The following TAFA2 variants were observed in gnomAD, a reference collection of about 807,000 sequenced individuals.
TAFA2 encodes the protein chemokine-like protein TAFA-2.
In TAFA2, 7 loss-of-function variants were observed where a neutral mutation model predicts 18.8. The ratio of observed to expected loss-of-function variants is 0.37; its 90% CI spans 0.21 to 0.70. TAFA2 has a LOEUF of 0.70. Ranked by LOEUF, TAFA2 falls within the 30% of genes least tolerant of loss-of-function variation. The pLI is 0.53. For synonymous variants in TAFA2, 60 were observed against 54.2 expected, an observed-to-expected ratio of 1.11 and a Z score of -0.47; for missense variants, 122 against 158.1, an observed-to-expected ratio of 0.77 and a Z score of 1.23.
At chr12:61,931,705 G>T (rs773532264) in intron 1 of TAFA2, among the ~76,000 whole-genome samples, 2 of 152,140 alleles carry the variant, frequency 1.3e-5, no homozygotes, top group African/African-American at 2.4e-5. Flanking sequence ...GGTGGTCATT[G>T]CCATTTTGTA....
Position 62,122,048 on chromosome 12 carries a change from C to A in TAFA2, c.-2+69211G>T, listed in dbSNP as rs114742320. On this transcript the variant is annotated intron_variant, in intron 1 of 4. Coordinates refer to ENST00000416284, the MANE Select transcript of TAFA2 (RefSeq NM_178539.5). ...GAACACATGAACACACAAAAGGGAA[C>A]AACACACACTGGGGCCTTTGGAGGG... Among the ~76,000 whole-genome samples, 540 of 152,198 alleles carry A rather than the reference C, an allele frequency of 3.5e-3. 4 individuals are homozygous for A. Among genetic ancestry groups the A allele is most frequent in the African/African-American group, 0.013 (526 of 41,522 alleles).
chr12:61,947,728 C>G (rs2121444227), intron 1 of TAFA2, among the ~76,000 whole-genome samples: 2 of 152,234 alleles, frequency 1.3e-5, no homozygotes, highest in South Asian at 4.1e-4. Context: ...GCTCTCATCT[C>G]CTCGATATGT....
At chr12:62,033,775 G>T (rs1881526144) in intron 1 of TAFA2, among the ~76,000 whole-genome samples, 1 of 151,890 alleles carries the variant, frequency 6.6e-6, no homozygotes, top group African/African-American at 2.4e-5. Flanking sequence ...AGAATCGCTG[G>T]TTTAAATTAT....
intron 1 of TAFA2, among the ~76,000 whole-genome samples, chr12:62,229,464 A>G (rs1165552405): frequency 6.6e-6 from 1 of 152,120 alleles, no homozygotes; most frequent in Non-Finnish European, 1.5e-5. Context: ...TCATCATCTA[A>G]TGAAATGATC....
chr12:62,043,518 G>A (rs138700811), intron 1 of TAFA2, among the ~76,000 whole-genome samples: 10,461 of 152,028 alleles, frequency 0.069, 466 homozygotes, highest in Non-Finnish European at 0.11. Context: ...ATGTTAAATG[G>A]CGAGTTAATG....
intron 1 of TAFA2, among the ~76,000 whole-genome samples, chr12:62,087,299 C>A (rs1868495569): frequency 6.6e-6 from 1 of 152,046 alleles, no homozygotes; most frequent in South Asian, 2.1e-4. Context: ...TGGTAAATTT[C>A]AGATTATGTA....
chr12:62,089,873 G>A (rs1868636048), intron 1 of TAFA2, among the ~76,000 whole-genome samples: 1 of 152,048 alleles, frequency 6.6e-6, no homozygotes, highest in Non-Finnish European at 1.5e-5. Flanking sequence ...CTTGCCACCA[G>A]CATTTGCTTT....
intron 4 of TAFA2, among the ~76,000 whole-genome samples, chr12:61,728,446 C>T (rs916606556): frequency 5.9e-5 from 9 of 151,952 alleles, no homozygotes; most frequent in Non-Finnish European, 1.0e-4. Flanking sequence ...TGATCTTTCT[C>T]TGTTGGACTA....
chr12:62,013,453 C>G (rs1880833047), intron 1 of TAFA2, among the ~76,000 whole-genome samples: 1 of 152,154 alleles, frequency 6.6e-6, no homozygotes, highest in Admixed American at 6.5e-5. Flanking sequence ...TAATGGGTGC[C>G]ATTTGAGACT....
intron 1 of TAFA2, among the ~76,000 whole-genome samples, chr12:62,218,144 C>T (rs747508623): frequency 1.3e-5 from 2 of 151,900 alleles, no homozygotes; most frequent in Non-Finnish European, 2.9e-5. Context: ...TACAGGCACG[C>T]ACCGTCACAC....
chr12:62,052,186 G>A (rs1882072414), intron 1 of TAFA2, among the ~76,000 whole-genome samples: 1 of 51,142 alleles, frequency 2.0e-5, no homozygotes, highest in Non-Finnish European at 5.5e-5. Flanking sequence ...GTGTGCATGT[G>A]TGCATGCGTG....
chr12:62,152,413 T>C (rs2062334685), intron 1 of TAFA2, among the ~76,000 whole-genome samples: 1 of 152,234 alleles, frequency 6.6e-6, no homozygotes, highest in African/African-American at 2.4e-5. Context: ...GAAAATGTGA[T>C]GAATCATTCA....
At chr12:62,104,520 A>T (rs898530544) in intron 1 of TAFA2, among the ~76,000 whole-genome samples, 6 of 152,258 alleles carry the variant, frequency 3.9e-5, no homozygotes, top group African/African-American at 1.4e-4. Context: ...AAAAGTAGCA[A>T]GAAAGAAAAC....
At chr12:61,943,774 C>A (rs1422927360) in intron 1 of TAFA2, among the ~76,000 whole-genome samples, 2 of 139,798 alleles carry the variant, frequency 1.4e-5, no homozygotes, top group Non-Finnish European at 3.1e-5. Context: ...TATATATGCA[C>A]CCAATACAGG....
intron 1 of TAFA2, among the ~76,000 whole-genome samples, chr12:61,869,683 G>C (rs894751207): frequency 6.6e-6 from 1 of 152,132 alleles, no homozygotes; most frequent in African/African-American, 2.4e-5. Flanking sequence ...GAGAAATATT[G>C]AGCTATAACA....
At position 61,947,490 on chromosome 12, in the gene TAFA2, A is replaced by AAAT. The variant is rs1565692158; in HGVS notation, c.-1-80065_-1-80064insATT. 2.9e-3 allele frequency among the ~76,000 whole-genome samples: 446 copies of AAAT among 151,780 alleles called. 3 individuals carry two copies. The highest frequency in any genetic ancestry group is 9.7e-3 in the African/African-American group (399 of 41,220). ...ATAAATAAATAAATAAATAAATAAA[A>AAAT]AAGAATTTTGTCATTCGTTTTATCT... On this transcript the variant is annotated intron_variant, in intron 1 of 4. Coordinates refer to ENST00000416284, the MANE Select transcript of TAFA2 (RefSeq NM_178539.5).
intron 1 of TAFA2, among the ~76,000 whole-genome samples, chr12:62,207,833 A>T (rs2062698461): frequency 6.6e-6 from 1 of 152,200 alleles, no homozygotes; most frequent in Admixed American, 6.5e-5. Flanking sequence ...ACATTGCCAG[A>T]GTATCTAGGT....
At chr12:61,728,274 T>C (rs1592348627) in intron 4 of TAFA2, among the ~76,000 whole-genome samples, 2 of 152,058 alleles carry the variant, frequency 1.3e-5, no homozygotes, top group Admixed American at 1.3e-4. Context: ...TCCATTGTTT[T>C]TTTGTTGACT....
At chr12:61,877,321 C>G (rs188297017) in intron 1 of TAFA2, among the ~76,000 whole-genome samples, 7 of 152,136 alleles carry the variant, frequency 4.6e-5, no homozygotes, top group Non-Finnish European at 8.8e-5. Flanking sequence ...CGCTTTGTTC[C>G]ACCCCTAACA....
Sources: gnomAD v4.1 joint callset for allele counts (sites outside exome capture counted in the v4.1 genomes callset) on GRCh38, gnomAD v4.1.1 for gene constraint, MANE v1.5 for transcripts, NCBI Gene and HGNC (gene_info 2026-07-23, HGNC 2026-07-21) for gene names.